Variants in DOK7 observed in about 807,000 individuals in gnomAD.
The protein encoded by DOK7 is docking protein 7.
In DOK7, 32 loss-of-function variants were observed where a neutral mutation model predicts 30.7. That is an observed-to-expected ratio of 1.04 (90% CI 0.79 to 1.40). The LOEUF (loss-of-function observed/expected upper bound fraction) is 1.40, where lower values mean the gene tolerates loss of function less well. Ranked by LOEUF, DOK7 falls within the 40% of genes most tolerant of loss-of-function variation. DOK7 has a pLI of 0.00. For missense variants in DOK7, 1,007 were observed against 699.2 expected (o/e 1.44, Z -4.97); for synonymous variants, 447 against 324.1 (o/e 1.38, Z -4.07).
intron 2 of DOK7, among the ~76,000 whole-genome samples, chr4:3,466,367 G>A (rs977659896): frequency 7.2e-5 from 11 of 152,132 alleles, no homozygotes; most frequent in Admixed American, 2.6e-4. Flanking sequence ...CAGGTGCCCC[G>A]TGAGCCCCGG....
chr4:3,497,513 TGA>T (rs1168789711), downstream of DOK7, among the ~76,000 whole-genome samples: 5 of 152,218 alleles, frequency 3.3e-5, no homozygotes, highest in Middle Eastern at 6.8e-3. Context: ...TGGGCAGGGC[TGA>T]GAGGCTGGAG....
At chr4:3,472,235 G>C (rs531046278) in intron 2 of DOK7, among the ~76,000 whole-genome samples, 2 of 152,380 alleles carry the variant, frequency 1.3e-5, no homozygotes, top group South Asian at 4.1e-4. Context: ...TTGCAAAAAT[G>C]AGTGTCTGCG....
chr4:3,495,429 G>A (rs116186951), downstream of DOK7, among the ~76,000 whole-genome samples: 486 of 152,342 alleles, frequency 3.2e-3, 2 homozygotes, highest in East Asian at 0.012. Context: ...ACCCCACAGC[G>A]GTGGCCTGGA....
chr4:3,500,580 G>A, intron 7 of DOK7: 2 of 1,511,488 alleles, frequency 1.3e-6, no homozygotes, highest in Non-Finnish European at 1.8e-6. Context: ...CCCTGAGGGT[G>A]TCCCCACTCA....
rs201392182 is a variant in DOK7, at chr4:3,493,292, G to A, written c.1306G>A (p.Gly436Ser). Residue 436 changes from glycine to serine, a missense_variant, in exon 7 of 7, where the codon GGC becomes AGC. By Grantham distance (56) the Gly-to-Ser change is moderately conservative. Transcript: ENST00000340083. Reference sequence around the variant, plus strand: ...CAACAGTGCGGCCAGGGACTCAGGCGGCCAGACGTCCGCCGGGTGTCCCTC... The same window carrying A: ...CAACAGTGCGGCCAGGGACTCAGGCAGCCAGACGTCCGCCGGGTGTCCCTC... ...PGNSAARDSG[G>S]QTSAGCPSGW... 5.7e-5 allele frequency: 91 copies of A among 1,608,394 alleles called. No individual in the cohort carries two copies. The highest frequency in any genetic ancestry group is 6.7e-5 in the Admixed American group (4 of 59,658).
chr4:3,498,877 CTT>C (rs1353293954), downstream of DOK7, among the ~76,000 whole-genome samples: 2 of 152,236 alleles, frequency 1.3e-5, no homozygotes, highest in African/African-American at 4.8e-5. Context: ...GTGTTGGTTG[CTT>C]TAGTTCATGG....
chr4:3,486,849 G>A (rs938881438), intron 5 of DOK7, among the ~76,000 whole-genome samples: 9 of 152,098 alleles, frequency 5.9e-5, no homozygotes, highest in South Asian at 2.1e-4. Context: ...AGTGCAGGGC[G>A]GGGACAGGGC....
chr4:3,494,776 G>A (rs573291218), downstream of DOK7, among the ~76,000 whole-genome samples: 6 of 152,322 alleles, frequency 3.9e-5, 1 homozygote, highest in African/African-American at 1.2e-4. Flanking sequence ...TCAGGCATGG[G>A]GCTCCTCAGG....
At chr4:3,482,158 C>T (rs898261994) in intron 4 of DOK7, among the ~76,000 whole-genome samples, 1 of 152,222 alleles carries the variant, frequency 6.6e-6, no homozygotes, top group Non-Finnish European at 1.5e-5. Context: ...TTTTCACCCC[C>T]CTCCACCGCT....
chr4:3,472,222 C>A (rs1056389985), intron 2 of DOK7, among the ~76,000 whole-genome samples: 1 of 152,256 alleles, frequency 6.6e-6, no homozygotes, highest in Admixed American at 6.5e-5. Context: ...GCTCTGGACT[C>A]CATTGCAAAA....
chr4:3,468,922 TATGA>T (rs1726550303), intron 2 of DOK7, among the ~76,000 whole-genome samples: 2 of 146,844 alleles, frequency 1.4e-5, no homozygotes, highest in African/African-American at 5.3e-5. Context: ...TGTATGTGTG[TATGA>T]GTGTGCGTGC....
intron 5 of DOK7, among the ~76,000 whole-genome samples, chr4:3,485,897 C>T (rs912039641): frequency 6.6e-5 from 10 of 152,354 alleles, no homozygotes; most frequent in East Asian, 5.8e-4. Flanking sequence ...CTCGGGGGTC[C>T]GAGCTGTTGG....
chr4:3,484,403 C>T, intron 4 of DOK7: 1 of 736,098 alleles, frequency 1.4e-6, no homozygotes, highest in African/African-American at 1.9e-5. Context: ...ATTTCCCTTC[C>T]CCCCAACTCC....
chr4:3,484,935 T>C, intron 4 of DOK7: 7 of 957,738 alleles, frequency 7.3e-6, no homozygotes, highest in Non-Finnish European at 8.7e-6. Context: ...CTTCCTGGGA[T>C]GTGACCCCAG....
rs759554399 is a variant in DOK7 at position 3,489,889 on chromosome 4, G to C, written c.772+93G>C. 2.7e-6 allele frequency: 4 copies of C among 1,496,450 alleles called. No homozygotes were observed. The South Asian group carries it at 5.0e-5, about 19-fold the overall frequency. 92.7% of individuals were successfully genotyped at this position (1,496,450 alleles called of 1,614,324 possible). A position where few individuals can be genotyped will look rare whatever the true frequency, so the allele number is the denominator to read the frequency against. On this transcript the variant is annotated intron_variant, in intron 6 of 6. Transcript: ENST00000340083. ...ATCCATGCATGTGTGGGGGCTGCAG[G>C]CTCCCTCTGCTCATTCATTCATTCC...
chr4:3,477,446 A>G (rs1009954945), intron 4 of DOK7, among the ~76,000 whole-genome samples: 6 of 152,246 alleles, frequency 3.9e-5, no homozygotes, highest in Non-Finnish European at 8.8e-5. Flanking sequence ...CACGGGCCAC[A>G]CTGGCCGCCT....
At chr4:3,471,114 G>C (rs545808731) in intron 2 of DOK7, among the ~76,000 whole-genome samples, 1 of 152,362 alleles carries the variant, frequency 6.6e-6, no homozygotes, top group East Asian at 1.9e-4. Flanking sequence ...TGGGTCACCT[G>C]GTCCCTCTGT....
At chr4:3,484,347 G>C (rs2109365408) in intron 4 of DOK7, among the ~76,000 whole-genome samples, 1 of 152,340 alleles carries the variant, frequency 6.6e-6, no homozygotes, top group Admixed American at 6.5e-5. Context: ...GTTCCGTGAA[G>C]GCAGAGCATG....
At chr4:3,479,377 G>C (rs944304073) in intron 4 of DOK7, among the ~76,000 whole-genome samples, 11 of 152,232 alleles carry the variant, frequency 7.2e-5, no homozygotes, top group Non-Finnish European at 5.9e-5. Context: ...CACATTTTGT[G>C]GGCCACCATT....
Sources: gnomAD v4.1 joint callset for allele counts (sites outside exome capture counted in the v4.1 genomes callset) on GRCh38, gnomAD v4.1.1 for gene constraint, MANE v1.5 for transcripts, NCBI Gene and HGNC (gene_info 2026-07-23, HGNC 2026-07-21) for gene names.